LITAF: variants seen among roughly 807,000 people sequenced by gnomAD.
LITAF encodes lipopolysaccharide induced TNF factor.
Under a neutral mutation model 14.5 loss-of-function variants are expected in LITAF, and 9 were observed. The ratio of observed to expected loss-of-function variants is 0.62; its 90% CI spans 0.37 to 1.08. LITAF has a LOEUF of 1.08. Among genes scored for constraint, LITAF ranks in the 50% least tolerant of loss-of-function variants. The pLI is 0.01. For synonymous variants in LITAF, 98 were observed against 88.2 expected (o/e 1.11, Z -0.62); for missense variants, 206 against 213.4 (o/e 0.97, Z 0.22).
At chr16:11,604,963 G>A (rs1796572559) in intron 3 of LITAF, among the ~76,000 whole-genome samples, 1 of 152,308 alleles carries the variant, frequency 6.6e-6, no homozygotes, top group South Asian at 2.1e-4. Flanking sequence ...ATCTTTGGAT[G>A]TGAAACATCT....
chr16:11,586,490 T>C lies in LITAF; in HGVS notation c.-6+396A>G, dbSNP rs1454741611. 1 of 152,034 alleles carries C rather than the reference T, an allele frequency of 6.6e-6. No individual in the cohort carries two copies. Among genetic ancestry groups the C allele is most frequent in the Non-Finnish European group, 1.5e-5 (1 of 67,980 alleles). The allele number at this position is 152,034 out of a possible 1,614,324, so 9.4% of individuals were successfully genotyped here. The stretch of plus-strand genomic sequence containing the variant: ...AACCCCCGGGGGATATTTCTGGAAA[T>C]CTCAACCTGAGTCACTAGAGAGAAT... On this transcript the variant is annotated intron_variant, in intron 1 of 3. Transcript: ENST00000622633. This position sits in a 1 kb window ranked among gnomAD's most constrained non-coding sequence, Gnocchi z 6.5.
intron 2 of LITAF, 47 bp downstream of exon 2, chr16:11,556,464 G>T: frequency 6.6e-7 from 1 of 1,526,570 alleles, no homozygotes; most frequent in Non-Finnish European, 9.0e-7. Context: ...GATTCCCAGG[G>T]TGGAGGGCCA....
intron 3 of LITAF, among the ~76,000 whole-genome samples, chr16:11,613,196 C>T (rs772633815): frequency 3.9e-4 from 59 of 152,242 alleles, no homozygotes; most frequent in Non-Finnish European, 5.7e-4. Flanking sequence ...CCTACCACCA[C>T]GCCTGGCTAG....
intron 3 of LITAF, among the ~76,000 whole-genome samples, chr16:11,616,972 C>A (rs60297291): frequency 0.32 from 48,178 of 148,716 alleles, 9,939 homozygotes; most frequent in African/African-American, 0.58. Context: ...GTAATCCCAA[C>A]ACTTTGGGAG....
At position 11,558,112 on chromosome 16, in the gene LITAF, C is replaced by G. The variant is rs553734132; in HGVS notation, c.-5-1377G>C. Among the ~76,000 whole-genome samples, 8 of 152,332 alleles carry G rather than the reference C, an allele frequency of 5.3e-5. No homozygotes were observed. In the East Asian group the frequency reaches 1.5e-3, roughly 29 times the overall value. ...AGCGAGCCACAACCACCACTCCCCT[C>G]TCCCGACACTGTCTGCCTCATTTTC... On this transcript the variant is annotated intron_variant, in intron 1 of 3. Coordinates refer to ENST00000622633, the MANE Select transcript of LITAF (RefSeq NM_001136472.2). The surrounding 1 kb of genome is among the most constrained non-coding windows in gnomAD (Gnocchi z 4.1).
At chr16:11,563,382 T>G (rs1169172532) in intron 1 of LITAF, among the ~76,000 whole-genome samples, 1 of 152,046 alleles carries the variant, frequency 6.6e-6, no homozygotes, top group Non-Finnish European at 1.5e-5. Flanking sequence ...ACTCCCAACC[T>G]CAGATGATCA....
chr16:11,553,849 A>G lies in LITAF; in HGVS notation c.221-160T>C. The G allele has an allele frequency of 5.2e-6, 4 of 767,738 alleles. No homozygotes were observed. The highest frequency in any genetic ancestry group is 8.6e-6 in the Non-Finnish European group (4 of 464,738). 47.6% of individuals were successfully genotyped at this position (767,738 alleles called of 1,614,324 possible). A position where few individuals can be genotyped will look rare whatever the true frequency, so the allele number is the denominator to read the frequency against. ...ATCGTCTGGCTATCTATGAGAGCCA[A>G]AAGGGGAAGGAACACCAGTGTCCAT... On this transcript the variant is annotated intron_variant, in intron 2 of 3. Transcript: ENST00000622633. The surrounding 1 kb of genome is among the most constrained non-coding windows in gnomAD (Gnocchi z 7.7).
chr16:11,594,484 C>G (rs1328332301), intron 1 of LITAF, among the ~76,000 whole-genome samples: 1 of 152,088 alleles, frequency 6.6e-6, no homozygotes, highest in Admixed American at 6.5e-5. Context: ...GGAGGAAAAA[C>G]TGGTTCCCTA....
intron 1 of LITAF, among the ~76,000 whole-genome samples, chr16:11,596,159 C>T (rs1451605105): frequency 6.6e-6 from 1 of 152,044 alleles, no homozygotes; most frequent in Non-Finnish European, 1.5e-5. Context: ...GTGGGACCAT[C>T]CCAGAACTGG....
chr16:11,596,712 A>AG (rs1162245825), intron 1 of LITAF, among the ~76,000 whole-genome samples: 1 of 77,762 alleles, frequency 1.3e-5, no homozygotes, highest in Non-Finnish European at 2.4e-5. Context: ...GAGAGGGAGG[A>AG]GGGGGGAGCG....
intron 3 of LITAF, among the ~76,000 whole-genome samples, chr16:11,551,086 G>A (rs1316879190): frequency 2.0e-5 from 3 of 152,094 alleles, no homozygotes; most frequent in Admixed American, 1.3e-4. Flanking sequence ...ACCTCAGACC[G>A]CCTGACAACC....
intron 3 of LITAF, among the ~76,000 whole-genome samples, chr16:11,612,543 C>T (rs1399393272): frequency 2.0e-5 from 3 of 152,248 alleles, no homozygotes; most frequent in Non-Finnish European, 4.4e-5. Flanking sequence ...GCACTGCATG[C>T]GGCCAGCGGG....
At chr16:11,614,659 G>A (rs2065005992) in intron 3 of LITAF, among the ~76,000 whole-genome samples, 1 of 151,968 alleles carries the variant, frequency 6.6e-6, no homozygotes, top group South Asian at 2.1e-4. Flanking sequence ...GAATGCAATG[G>A]CACAACTTCA....
chr16:11,606,918 C>A (rs1222720098), intron 3 of LITAF, among the ~76,000 whole-genome samples: 1 of 152,152 alleles, frequency 6.6e-6, no homozygotes, highest in African/African-American at 2.4e-5. Flanking sequence ...GGATTACAAG[C>A]GTGAGCCACT....
chr16:11,639,404 G>A (rs1018622479), upstream of LITAF, among the ~76,000 whole-genome samples: 2 of 150,076 alleles, frequency 1.3e-5, no homozygotes, highest in East Asian at 4.0e-4. Context: ...ATAGATGGGT[G>A]GATGGATGGT....
At chr16:11,595,104 T>C (rs1259445317) in intron 1 of LITAF, among the ~76,000 whole-genome samples, 1 of 152,158 alleles carries the variant, frequency 6.6e-6, no homozygotes, top group Non-Finnish European at 1.5e-5. Context: ...TGGTCTGTGT[T>C]ACCCATTAAC....
chr16:11,608,295 G>A (rs577937437), intron 3 of LITAF, among the ~76,000 whole-genome samples: 23 of 152,298 alleles, frequency 1.5e-4, no homozygotes, highest in East Asian at 5.8e-4. Context: ...TGAGAAGAAC[G>A]GGGAGCAGTG....
chr16:11,574,271 G>C (rs1403749932), intron 1 of LITAF, among the ~76,000 whole-genome samples: 1 of 150,550 alleles, frequency 6.6e-6, no homozygotes, highest in Non-Finnish European at 1.5e-5. Flanking sequence ...CAAACTCCTG[G>C]GCTAAAGCAA....
At chr16:11,616,145 C>G (rs901133890) in intron 3 of LITAF, among the ~76,000 whole-genome samples, 1 of 152,182 alleles carries the variant, frequency 6.6e-6, no homozygotes, top group African/African-American at 2.4e-5. Flanking sequence ...CCACCCTATG[C>G]TCCTGTGCAT....
Sources: gnomAD v4.1 joint callset for allele counts (sites outside exome capture counted in the v4.1 genomes callset) on GRCh38, gnomAD v4.1.1 for gene constraint, Gnocchi (gnomAD v3.1) non-coding constraint, MANE v1.5 for transcripts, NCBI Gene and HGNC (gene_info 2026-07-23, HGNC 2026-07-21) for gene names.